The following AQR variants were observed in gnomAD, a reference collection of about 807,000 sequenced individuals.
AQR encodes the protein aquarius intron-binding spliceosomal factor, also known as RNA helicase aquarius.
A neutral mutation model predicts 180.5 loss-of-function variants in AQR; 61 were observed. The observed-to-expected ratio is 0.34, with a 90% confidence interval of 0.28 to 0.42. The LOEUF is 0.42. Among genes scored for constraint, AQR ranks in the 10% least tolerant of loss-of-function variants. AQR has a pLI of 1.00. For missense variants in AQR, 1,281 were observed against 1,798.3 expected, an observed-to-expected ratio of 0.71 and a Z score of 5.20; for synonymous variants, 551 against 588.8, an observed-to-expected ratio of 0.94 and a Z score of 0.93.
intron 1 of AQR, among the ~76,000 whole-genome samples, chr15:34,968,272 AGACG>A (rs2050322330): frequency 7.3e-6 from 1 of 136,168 alleles, no homozygotes; most frequent in Non-Finnish European, 1.6e-5. Context: ...TTTTTTTTTG[AGACG>A]GAGTCTCGCA....
chr15:34,875,875 A>T, intron 28 of AQR, 60 bp downstream of exon 28: 1 of 1,342,864 alleles, frequency 7.4e-7, no homozygotes, highest in Non-Finnish European at 1.1e-6. Context: ...CAACTTTCTG[A>T]TGCTGTCCTC....
At chr15:34,966,568 T>G (rs2050310550) in intron 1 of AQR, among the ~76,000 whole-genome samples, 3 of 152,258 alleles carry the variant, frequency 2.0e-5, no homozygotes, top group Non-Finnish European at 1.5e-5. Flanking sequence ...TTAAGTCTCT[T>G]AAAGTCTCCT....
chr15:34,872,531 A>G (rs1374678516), intron 30 of AQR, among the ~76,000 whole-genome samples: 1 of 152,164 alleles, frequency 6.6e-6, no homozygotes, highest in Non-Finnish European at 1.5e-5. Context: ...AAAAACCAAT[A>G]TGTAATGAAA....
chr15:34,895,207 TATATATATATATATGA>T lies in AQR; in HGVS notation c.2461-1450_2461-1435del, dbSNP rs1396355388. Among the ~76,000 whole-genome samples, 32 of 74,730 alleles carry T rather than the reference TATATATATATATATGA, an allele frequency of 4.3e-4. 1 individual carries two copies. The highest frequency in any genetic ancestry group is 1.5e-3 in the African/African-American group (30 of 20,216). The allele number at this position is 74,730 out of a possible 152,430, so 49.0% of individuals were successfully genotyped here. A position where few individuals can be genotyped will look rare whatever the true frequency, so the allele number is the denominator to read the frequency against. On this transcript the variant is annotated intron_variant, in intron 22 of 34. Coordinates refer to ENST00000156471, the MANE Select transcript of AQR (RefSeq NM_014691.3). ...AAAAAAATATATATATATATATATA[TATATATATATATATGA>T]AACAAATAAAAACATAATACTCAAA...
chr15:34,969,411 G>T, intron 1 of AQR, 128 bp downstream of exon 1: 1 of 946,642 alleles, frequency 1.1e-6, no homozygotes. Flanking sequence ...GTAAAAAGAC[G>T]TGTGTGAATC....
At chr15:34,915,248 C>A (rs1368890782) in intron 15 of AQR, 69 bp from the exon 16 acceptor site, 2 of 1,390,592 alleles carry the variant, frequency 1.4e-6, no homozygotes, top group East Asian at 5.1e-5. Context: ...ACTCTGTCAC[C>A]TGCACAATCT....
Position 34,900,610 on chromosome 15 carries a change from T to C in AQR, c.2243+12A>G. On this transcript the variant is annotated intron_variant, in intron 20 of 34. Transcript: ENST00000156471. ...GAATGCTGGAGAGGAGCGTACCCAG[T>C]TCTGACTTTACCTGAAAGGGGGTAT... 6.2e-7 allele frequency: 1 copy of C among 1,612,128 alleles called. No homozygotes were observed. Among genetic ancestry groups the C allele is most frequent in the East Asian group, 2.2e-5 (1 of 44,848 alleles).
intron 9 of AQR, among the ~76,000 whole-genome samples, chr15:34,936,143 T>C (rs148491547): frequency 2.6e-3 from 392 of 152,360 alleles, no homozygotes; most frequent in African/African-American, 8.7e-3. Context: ...TTGTCTCAGC[T>C]ATACTGTAAC....
intron 4 of AQR, among the ~76,000 whole-genome samples, chr15:34,951,586 G>A (rs564683003): frequency 6.3e-4 from 95 of 150,850 alleles, no homozygotes; most frequent in African/African-American, 2.0e-3. Context: ...CAGGAGAATC[G>A]CTTCTACCCG....
At chr15:34,897,524 T>A in intron 21 of AQR, 35 bp downstream of exon 21, 1 of 1,608,432 alleles carries the variant, frequency 6.2e-7, no homozygotes, top group South Asian at 1.1e-5. Flanking sequence ...CAAACTATTG[T>A]TCATCATTAC....
chr15:34,886,714 G>A (rs1893064685), intron 24 of AQR, 53 bp from the exon 25 acceptor site: 6 of 1,522,176 alleles, frequency 3.9e-6, no homozygotes, highest in East Asian at 4.8e-5. Context: ...AGACTTTGAA[G>A]GAAACAATCA....
chr15:34,878,364 A>G (rs1892916325), intron 27 of AQR, among the ~76,000 whole-genome samples: 1 of 148,724 alleles, frequency 6.7e-6, no homozygotes, highest in Admixed American at 6.7e-5. Flanking sequence ...CCAGCCTGGG[A>G]AAAAGAATGA....
chr15:34,944,157 A>G lies in AQR; in HGVS notation c.471+131T>C. The G allele has an allele frequency of 3.7e-6, 3 of 805,368 alleles. No homozygotes were observed. The South Asian group carries it at 9.9e-5, about 27-fold the overall frequency. The allele number at this position is 805,368 out of a possible 1,614,324, so 49.9% of individuals were successfully genotyped here. ...TTTTACTGATAAGTGGCTGAAATCAAGCTTTTAGCATTATCCTTATTGCCT... is the reference window on the plus strand; with the variant it reads ...TTTTACTGATAAGTGGCTGAAATCAGGCTTTTAGCATTATCCTTATTGCCT... On this transcript the variant is annotated intron_variant, in intron 6 of 34. Coordinates refer to ENST00000156471, the MANE Select transcript of AQR (RefSeq NM_014691.3).
chr15:34,873,752 G>T, intron 30 of AQR, 76 bp downstream of exon 30: 2 of 1,288,604 alleles, frequency 1.6e-6, no homozygotes, highest in Non-Finnish European at 2.1e-6. Context: ...CGGCCAAATG[G>T]TTAAGTATCA....
At chr15:34,951,234 A>G (rs1380289665) in intron 4 of AQR, among the ~76,000 whole-genome samples, 3 of 152,162 alleles carry the variant, frequency 2.0e-5, no homozygotes, top group African/African-American at 7.2e-5. Flanking sequence ...CTTACTTTCC[A>G]GTTTAGCAAG....
intron 4 of AQR, among the ~76,000 whole-genome samples, chr15:34,952,237 G>T (rs572740721): frequency 1.8e-4 from 27 of 152,300 alleles, no homozygotes; most frequent in African/African-American, 6.3e-4. Context: ...TTAGAGCAAA[G>T]AATTTAACCT....
Position 34,948,365 on chromosome 15 carries a change from G to T in AQR, c.229C>A (p.Leu77Ile). The change falls in exon 5 of 35, where the codon CTC becomes ATC. Residue 77 changes from leucine to isoleucine, a missense_variant. Leu to Ile is a conservative substitution (Grantham distance 5). This residue lies in a region of AQR where 404 missense variants were observed against 490.9 expected (regional missense o/e 0.82). Transcript: ENST00000156471. ...LEFSQYLENY[L>I]WMNYSPEVSS... is the part of the protein sequence containing the mutation. ...ACCTCAGGAGAATAATTCATCCAGAGATAATTTTCAAGATACTGGCTGTAA... is the reference window on the plus strand; with the variant it reads ...ACCTCAGGAGAATAATTCATCCAGATATAATTTTCAAGATACTGGCTGTAA... The T allele has an allele frequency of 1.2e-6, 2 of 1,612,632 alleles. No individual in the cohort carries two copies. The highest frequency in any genetic ancestry group is 1.7e-6 in the Non-Finnish European group (2 of 1,179,850).
At chr15:34,945,954 G>C (rs1183850885) in intron 5 of AQR, among the ~76,000 whole-genome samples, 1 of 152,120 alleles carries the variant, frequency 6.6e-6, no homozygotes, top group Non-Finnish European at 1.5e-5. Flanking sequence ...TTTCTAAAAG[G>C]AAAAATAGAT....
chr15:34,930,969 T>TG (rs1192065628), intron 11 of AQR, among the ~76,000 whole-genome samples: 1 of 151,978 alleles, frequency 6.6e-6, no homozygotes, highest in Non-Finnish European at 1.5e-5. Context: ...CCGGAGTAGC[T>TG]GGGACTACAG....
Sources: allele counts gnomAD v4.1 joint callset (sites outside exome capture counted in the v4.1 genomes callset), GRCh38; gene constraint gnomAD v4.1.1; regional missense constraint gnomAD v4.1.1; transcripts MANE v1.5; gene names NCBI Gene and HGNC (gene_info 2026-07-23, HGNC 2026-07-21).